Variants in KLHL4 observed in about 807,000 individuals in gnomAD.
KLHL4 encodes the protein kelch like family member 4, also known as kelch-like protein 4.
KLHL4 carries 17 observed loss-of-function variants against 45.8 expected under a neutral mutation model. The ratio of observed to expected loss-of-function variants is 0.37; its 90% CI spans 0.25 to 0.56. The LOEUF is 0.56. Among genes scored for constraint, KLHL4 ranks in the 20% least tolerant of loss-of-function variants. KLHL4 has a pLI of 0.79. For synonymous variants in KLHL4, 224 were observed against 189.9 expected (o/e 1.18, Z -1.47); for missense variants, 544 against 544.9 (o/e 1.00, Z 0.02).
intron 8 of KLHL4, 88 bp from the exon 9 acceptor site, chrX:87,635,475 G>T: frequency 3.0e-6 from 2 of 675,203 alleles, no homozygotes; most frequent in Non-Finnish European, 4.5e-6. Flanking sequence ...TTTGTACAAA[G>T]TTCTCTCACT....
intron 6 of KLHL4, among the ~76,000 whole-genome samples, chrX:87,626,489 G>A (rs1922932287): frequency 9.0e-6 from 1 of 110,642 alleles, no homozygotes; most frequent in Admixed American, 9.7e-5. Flanking sequence ...GGTGAACAGA[G>A]GGATGACATT....
intron 1 of KLHL4, among the ~76,000 whole-genome samples, chrX:87,579,488 C>T (rs1921205810): frequency 9.0e-6 from 1 of 110,957 alleles, no homozygotes; most frequent in Non-Finnish European, 1.9e-5. Context: ...AAATGGACAT[C>T]TAGACTAGCA....
At chrX:87,614,079 T>C (rs1337830105) in intron 2 of KLHL4, 35 bp downstream of exon 2, 2 of 1,011,280 alleles carry the variant, frequency 2.0e-6, no homozygotes, top group Admixed American at 2.7e-5. Context: ...TGGTTTTGAG[T>C]AGGGCAATTA....
intron 1 of KLHL4, among the ~76,000 whole-genome samples, chrX:87,600,484 C>CAA (rs148536239): frequency 0.019 from 1,317 of 69,746 alleles, 16 homozygotes; most frequent in African/African-American, 0.029. Context: ...CTTCGTCTCA[C>CAA]AAAAAAAAAA....
At chrX:87,587,619 C>T (rs1424976858) in intron 1 of KLHL4, among the ~76,000 whole-genome samples, 1 of 111,000 alleles carries the variant, frequency 9.0e-6, no homozygotes, top group East Asian at 2.8e-4. Context: ...ATGATAAAAA[C>T]CCTAAAACAA....
At chrX:87,571,324 T>G (rs1207328919) in intron 1 of KLHL4, among the ~76,000 whole-genome samples, 1 of 111,073 alleles carries the variant, frequency 9.0e-6, no homozygotes, top group Non-Finnish European at 1.9e-5. Context: ...ACAAAAAATA[T>G]TCTCGAAAAC....
intron 9 of KLHL4, among the ~76,000 whole-genome samples, chrX:87,650,432 C>T (rs762365147): frequency 2.0e-4 from 22 of 112,147 alleles, no homozygotes; most frequent in African/African-American, 5.8e-4. Flanking sequence ...TTAAGGCTTC[C>T]GCTCCATAAG....
chrX:87,630,602 T>G (rs1923066327), intron 6 of KLHL4, among the ~76,000 whole-genome samples: 1 of 111,710 alleles, frequency 9.0e-6, no homozygotes, highest in African/African-American at 3.3e-5. Flanking sequence ...AATCAGCTTT[T>G]ACTAAAAAAT....
In KLHL4 at chrX:87,664,851, ACT is replaced by A. The variant is rs1924313405; in HGVS notation, c.2016_2017del (p.Tyr673ArgfsTer6). 2 of 1,198,159 alleles carry A rather than the reference ACT, an allele frequency of 1.7e-6. No homozygotes were observed. Among genetic ancestry groups the A allele is most frequent in the Admixed American group, 2.2e-5 (1 of 45,492 alleles). On this transcript the variant is annotated frameshift_variant, in exon 10 of 11. Transcript: ENST00000373119. LOFTEE classifies it high-confidence loss of function. ...AVAVCPLGDK[L>X]YVVGGYDGHT... ...TTGCTGTGTGCCCTCTTGGAGACAA[ACT>A]CTACGTGGTTGGAGGATATGACGGA...
chrX:87,596,306 C>T (rs1056451480), intron 1 of KLHL4, among the ~76,000 whole-genome samples: 1 of 111,962 alleles, frequency 8.9e-6, no homozygotes, highest in Non-Finnish European at 1.9e-5. Flanking sequence ...GTTTCCTTTC[C>T]ATGTTCATAT....
At chrX:87,620,434 G>A (rs1178980493) in intron 4 of KLHL4, among the ~76,000 whole-genome samples, 1 of 111,047 alleles carries the variant, frequency 9.0e-6, no homozygotes, top group Non-Finnish European at 1.9e-5. Flanking sequence ...CTACTATATT[G>A]CCCAGCAATT....
At chrX:87,572,470 G>A (rs1262971260) in intron 1 of KLHL4, among the ~76,000 whole-genome samples, 1 of 110,838 alleles carries the variant, frequency 9.0e-6, no homozygotes, top group Non-Finnish European at 1.9e-5. Context: ...AAATAGATAT[G>A]AGAAGACATA....
chrX:87,566,633 C>T (rs935682398), intron 1 of KLHL4, among the ~76,000 whole-genome samples: 5 of 111,288 alleles, frequency 4.5e-5, no homozygotes, highest in African/African-American at 1.6e-4. Context: ...ATATGTATCA[C>T]TGTTGTACCA....
chrX:87,562,634 C>G (rs766929517), intron 1 of KLHL4, among the ~76,000 whole-genome samples: 1 of 111,093 alleles, frequency 9.0e-6, no homozygotes, highest in African/African-American at 3.3e-5. Context: ...GTTCCTGATT[C>G]CATGCCCCAG....
At chrX:87,568,396 T>TTC (rs1350111115) in intron 1 of KLHL4, among the ~76,000 whole-genome samples, 2 of 100,125 alleles carry the variant, frequency 2.0e-5, no homozygotes, top group African/African-American at 7.2e-5. Context: ...TTTTTCTTTT[T>TTC]TTTTTTTTTT....
intron 1 of KLHL4, among the ~76,000 whole-genome samples, chrX:87,556,938 C>T (rs1396296078): frequency 9.0e-6 from 1 of 111,484 alleles, no homozygotes; most frequent in East Asian, 2.8e-4. Context: ...TTTATTGTGA[C>T]TGACAGTTAG....
chrX:87,655,117 G>A lies in KLHL4; in HGVS notation c.1926-9647G>A, dbSNP rs1236649885. 4.5e-5 allele frequency among the ~76,000 whole-genome samples: 5 copies of A among 111,340 alleles called. No homozygotes were observed. The East Asian group carries it at 1.1e-3, about 25-fold the overall frequency. Reference sequence around the variant, plus strand: ...CTGAAGATTCTCTGTTCACGCTATCGATTCTTTCCATGGCCATGCAGAAGT... The same window carrying A: ...CTGAAGATTCTCTGTTCACGCTATCAATTCTTTCCATGGCCATGCAGAAGT... On this transcript the variant is annotated intron_variant, in intron 9 of 10. Transcript: ENST00000373119.
In KLHL4 at chrX:87,669,210, GC is replaced by G; in HGVS notation, c.*2677del. ...GTACTCAGATCTGAAAGACAATGTT[GC>G]TTCTTGATTTTTTTCTATAATCACT... On this transcript the variant is annotated 3_prime_UTR_variant, in exon 11 of 11. Transcript: ENST00000373119. 9.1e-7 allele frequency: 1 copy of G among 1,102,591 alleles called. No individual in the cohort carries two copies. Among genetic ancestry groups the G allele is most frequent in the Non-Finnish European group, 1.2e-6 (1 of 838,655 alleles). The allele number at this position is 1,102,591 out of a possible 1,213,427, so 90.9% of individuals were successfully genotyped here. A position where few individuals can be genotyped will look rare whatever the true frequency, so the allele number is the denominator to read the frequency against.
intron 1 of KLHL4, among the ~76,000 whole-genome samples, chrX:87,556,499 G>T (rs1165663474): frequency 3.2e-5 from 3 of 94,501 alleles, no homozygotes; most frequent in Non-Finnish European, 6.2e-5. Flanking sequence ...ACAGGAAGGG[G>T]AACATCACAC....
Sources: gnomAD v4.1 joint callset for allele counts (sites outside exome capture counted in the v4.1 genomes callset) on GRCh38, gnomAD v4.1.1 for gene constraint, MANE v1.5 for transcripts, NCBI Gene and HGNC (gene_info 2026-07-23, HGNC 2026-07-21) for gene names.